CIB1: variants seen among roughly 807,000 people sequenced by gnomAD.
The protein encoded by CIB1 is calcium and integrin binding 1.
CIB1 carries 19 observed loss-of-function variants against 25.0 expected under a neutral mutation model. The ratio of observed to expected loss-of-function variants is 0.76; its 90% CI spans 0.53 to 1.12. The LOEUF (loss-of-function observed/expected upper bound fraction) is 1.12. Among genes scored for constraint, CIB1 ranks in the 50% most tolerant of loss-of-function variants. The probability of loss-of-function intolerance (pLI) is 0.00; values close to 1 mark genes in which losing one functional copy is unlikely to be tolerated. For synonymous variants in CIB1, 104 were observed against 98.5 expected (o/e 1.06, Z -0.33); for missense variants, 236 against 242.6 (o/e 0.97, Z 0.18).
At chr15:90,246,383 T>A in the CIB1 span, among the ~76,000 whole-genome samples, 16 of 152,290 alleles carry the variant, frequency 1.1e-4, no homozygotes, top group African/African-American at 3.6e-4. Flanking sequence ...ATACTTAATG[T>A]GGGGTAACAG....
the CIB1 span, chr15:90,262,393 AG>A: frequency 1.5e-6 from 2 of 1,305,664 alleles, no homozygotes; most frequent in Non-Finnish European, 2.0e-6. Flanking sequence ...TCCTAAGAAC[AG>A]ATTGTAATTT....
the CIB1 span, chr15:90,257,327 TGAGGTTCTCTA>T: frequency 6.3e-7 from 1 of 1,578,528 alleles, no homozygotes; most frequent in Non-Finnish European, 8.6e-7. Flanking sequence ...CCAAAAGTGC[TGAGGTTCTCTA>T]GAGAAACATG....
chr15:90,256,641 C>CCT, the CIB1 span, among the ~76,000 whole-genome samples: 17 of 83,286 alleles, frequency 2.0e-4, no homozygotes, highest in Middle Eastern at 0.019. Context: ...TTCCTTCCTT[C>CCT]TTTCTTTCTC....
chr15:90,241,696 G>T, the CIB1 span: 2 of 1,614,196 alleles, frequency 1.2e-6, no homozygotes, highest in Non-Finnish European at 1.7e-6. Context: ...CGTGGGCCAG[G>T]GCCTGACTTG....
the CIB1 span, chr15:90,241,012 A>C: frequency 2.2e-5 from 35 of 1,613,950 alleles, no homozygotes; most frequent in African/African-American, 4.3e-4. Context: ...GGGCAGAAGG[A>C]TCTCATGGCA....
the CIB1 span, chr15:90,241,270 C>G: frequency 1.9e-6 from 3 of 1,614,066 alleles, no homozygotes; most frequent in African/African-American, 4.0e-5. Context: ...GCATTTGACC[C>G]TGTACAGTTC....
Position 90,232,346 on chromosome 15 carries a change from C to T in CIB1, c.87-19G>A, listed in dbSNP as rs765760918. ...GTGGGCTCTGGTAGAGAGAGGGGAA[C>T]TGTCGGTGTTCTCAGCGATCGGTCT... On this transcript the variant is annotated intron_variant, in intron 2 of 6. Transcript: ENST00000328649. 6.3e-6 allele frequency: 10 copies of T among 1,590,142 alleles called. No individual in the cohort carries two copies. The highest frequency in any genetic ancestry group is 1.7e-5 in the Admixed American group (1 of 57,838).
chr15:90,230,582 CT>C, intron 6 of CIB1, 77 bp from the exon 7 acceptor site: 1 of 1,439,666 alleles, frequency 6.9e-7, no homozygotes, highest in Non-Finnish European at 9.6e-7. Flanking sequence ...CCCCTTCTCC[CT>C]TTAGACCCTT....
At chr15:90,233,986 C>A, upstream of CIB1, 1 of 1,318,984 alleles carries the variant, frequency 7.6e-7, no homozygotes, top group South Asian at 1.6e-5. Context: ...CCGCGGCAAC[C>A]GCTCCTGGGG....
rs777931485 is a variant in CIB1, at chr15:90,232,273, C to A, written c.141G>T (p.Ser47=). The A allele has an allele frequency of 1.2e-6, 2 of 1,612,616 alleles. No individual in the cohort carries two copies. The highest frequency in any genetic ancestry group is 1.7e-6 in the Non-Finnish European group (2 of 1,178,946). ...LLPQEQRSVE[S]SLRAQVPFEQ... is the part of the protein sequence containing the mutation. ...CGAAGGGCACTTGTGCCCGAAGTGACGACTCCACGCTCCGCTGCTCCTGGG... is the reference window on the plus strand; with the variant it reads ...CGAAGGGCACTTGTGCCCGAAGTGAAGACTCCACGCTCCGCTGCTCCTGGG... Residue 47 remains serine (S), a synonymous_variant, in exon 3 of 7, where the codon TCG becomes TCT. Transcript: ENST00000328649.
the CIB1 span, chr15:90,245,895 G>T: frequency 6.6e-6 from 1 of 152,076 alleles, no homozygotes; most frequent in South Asian, 2.1e-4. Context: ...AAACACGTAG[G>T]GGCCCTTTGT....
the CIB1 span, among the ~76,000 whole-genome samples, chr15:90,256,625 CCTTCCTTCCTTCCTTCTTT>C: frequency 2.8e-3 from 264 of 95,164 alleles, no homozygotes; most frequent in African/African-American, 0.011. Flanking sequence ...TTCCTTCCTT[CCTTCCTTCCTTCCTTCTTT>C]CTTTCTCCCT....
chr15:90,235,675 C>G (rs1962619632), upstream of CIB1, among the ~76,000 whole-genome samples: 1 of 151,836 alleles, frequency 6.6e-6, no homozygotes, highest in Non-Finnish European at 1.5e-5. Flanking sequence ...TCACGCCATT[C>G]TTCTACCTTA....
At chr15:90,256,027 C>A in the CIB1 span, 1 of 1,556,054 alleles carries the variant, frequency 6.4e-7, no homozygotes, top group Admixed American at 1.8e-5. Flanking sequence ...AAAAGAGGGT[C>A]TGAGACTGAG....
chr15:90,254,377 C>T, the CIB1 span, among the ~76,000 whole-genome samples: 1 of 148,734 alleles, frequency 6.7e-6, no homozygotes, highest in African/African-American at 2.5e-5. Context: ...CTTGTAATCC[C>T]AGCTATTTAG....
intron 3 of CIB1, 72 bp downstream of exon 3, chr15:90,232,147 G>T: frequency 8.3e-7 from 1 of 1,197,826 alleles, no homozygotes; most frequent in Non-Finnish European, 1.2e-6. Flanking sequence ...CAAAGCTAGT[G>T]GCAGATGGAG....
At chr15:90,259,254 T>C in the CIB1 span, among the ~76,000 whole-genome samples, 1 of 151,924 alleles carries the variant, frequency 6.6e-6, no homozygotes, top group Non-Finnish European at 1.5e-5. Flanking sequence ...TAGCTGGGCA[T>C]GGTGACATGC....
chr15:90,253,505 C>A, the CIB1 span: 3 of 511,808 alleles, frequency 5.9e-6, no homozygotes, highest in African/African-American at 3.8e-5. Context: ...CCCCCAGGGT[C>A]TTCTTTTCCA....
chr15:90,263,948 C>G, the CIB1 span: 1 of 1,534,068 alleles, frequency 6.5e-7, no homozygotes, highest in Non-Finnish European at 8.7e-7. Context: ...CATCTGCAGC[C>G]CAAGAACTTC....
Sources: gnomAD v4.1 joint callset for allele counts (sites outside exome capture counted in the v4.1 genomes callset) on GRCh38, gnomAD v4.1.1 for gene constraint, MANE v1.5 for transcripts, NCBI Gene and HGNC (gene_info 2026-07-23, HGNC 2026-07-21) for gene names.